INF2: variants seen among roughly 807,000 people sequenced by gnomAD.
INF2 encodes the protein inverted formin 2, also known as inverted formin-2.
In INF2, 43 loss-of-function variants were observed where a neutral mutation model predicts 123.5. The ratio of observed to expected loss-of-function variants is 0.35; its 90% confidence interval spans 0.27 to 0.45. The LOEUF (loss-of-function observed/expected upper bound fraction) is 0.45, where lower values mean the gene tolerates loss of function less well. Among genes scored for constraint, INF2 ranks in the 20% least tolerant of loss-of-function variants. INF2 has a pLI of 1.00. For synonymous variants in INF2, 851 were observed against 745.0 expected (o/e 1.14, Z -2.32); for missense variants, 1,453 against 1,682.7 (o/e 0.86, Z 2.39).
intron 22 of INF2, chr14:104,717,619 C>T (rs990760798): frequency 2.6e-5 from 4 of 152,220 alleles, no homozygotes; most frequent in Non-Finnish European, 5.9e-5. Flanking sequence ...GATAACTTCA[C>T]TTTGGGTTTG....
Position 104,714,253 on chromosome 14 carries a change from G to A in INF2, c.3091G>A (p.Ala1031Thr), listed in dbSNP as rs1050761365. ...TCCCGTGGGCAGCACGCGCTGTCCC[G>A]CCTCTGAGCCCGGCCTTGATGCTAC... is the stretch of plus-strand genomic sequence containing the variant. ...GDPVGSTRCP[A>T]SEPGLDATTA... The change falls in exon 21 of 23, where the codon GCC (alanine) becomes ACC (threonine). Residue 1031 changes from alanine (A) to threonine (T), a missense_variant. By Grantham distance (58) the Ala-to-Thr change is moderately conservative. Coordinates refer to ENST00000392634, the MANE Select transcript of INF2 (RefSeq NM_022489.4). 15 of 1,588,860 alleles carry A rather than the reference G, an allele frequency of 9.4e-6. No individual in the cohort carries two copies. Among genetic ancestry groups the A allele is most frequent in the African/African-American group, 2.7e-5 (2 of 74,322 alleles).
chr14:104,693,209 C>T (rs1889035350), intron 1 of INF2, among the ~76,000 whole-genome samples: 1 of 152,254 alleles, frequency 6.6e-6, no homozygotes, highest in Non-Finnish European at 1.5e-5. Context: ...TACCACCCCA[C>T]CTGCTTCCTG....
chr14:104,683,959 TG>T, intron 1 of INF2: 1 of 442,294 alleles, frequency 2.3e-6, no homozygotes, highest in South Asian at 1.6e-5. Flanking sequence ...GGCACTTCCC[TG>T]CTCTCAAAGG....
intron 18 of INF2, 23 bp from the exon 19 acceptor site, chr14:104,713,184 C>T (rs201745419): frequency 5.9e-5 from 92 of 1,563,840 alleles, no homozygotes; most frequent in East Asian, 7.2e-5. Context: ...GCTGGGGTGA[C>T]GGGGCCACAT....
Position 104,684,180 on chromosome 14 carries a change from G to C in INF2, c.-104+2598G>C. ...TGCGTGCCGCCACGGGAAACAGCAC[G>C]CATCCCATCTGGACTCCCACCAGAC... On this transcript the variant is annotated intron_variant, in intron 1 of 2. Transcript: ENST00000674723. This position sits in a 1 kb window ranked among gnomAD's most constrained non-coding sequence, Gnocchi z 5.0. 2.2e-6 allele frequency: 1 copy of C among 455,220 alleles called. No individual in the cohort carries two copies. The highest frequency in any genetic ancestry group is 4.4e-6 in the Non-Finnish European group (1 of 226,222). The allele number at this position is 455,220 out of a possible 1,614,324, so 28.2% of individuals were successfully genotyped here.
upstream of INF2, chr14:104,689,599 C>A: frequency 2.7e-6 from 2 of 742,198 alleles, no homozygotes; most frequent in Non-Finnish European, 3.3e-6. Context: ...CTCCCGCCCG[C>A]CCCGCCCGCC....
Position 104,707,551 on chromosome 14 carries a change from C to G in INF2, c.1284C>G (p.Pro428=). The change falls in exon 8 of 23, where the codon CCC becomes CCG. Residue 428 remains proline, a synonymous_variant. Coordinates refer to ENST00000392634, the MANE Select transcript of INF2 (RefSeq NM_022489.4). ...CCCCACCCCCACCCCCACCCCCACC[C>G]CTGCTCCCTGGTTCCAGTGCCGAGC... The part of the protein sequence containing the change: ...ASTPPPPPPP[P]LLPGSSAEPP... The G allele has an allele frequency of 5.9e-6, 7 of 1,190,182 alleles. No homozygotes were observed. Among genetic ancestry groups the G allele is most frequent in the Non-Finnish European group, 7.8e-6 (7 of 901,678 alleles). 73.7% of individuals were successfully genotyped at this position (1,190,182 alleles called of 1,614,324 possible). A position where few individuals can be genotyped will look rare whatever the true frequency, so the allele number is the denominator to read the frequency against.
Position 104,707,930 on chromosome 14 carries a change from C to T in INF2, c.1663C>T (p.Arg555Trp). 6.2e-7 allele frequency: 1 copy of T among 1,600,200 alleles called. No individual in the cohort carries two copies. Among genetic ancestry groups the T allele is most frequent in the Non-Finnish European group, 8.5e-7 (1 of 1,179,612 alleles). Residue 555 changes from arginine (R) to tryptophan (W), a missense_variant, in exon 8 of 23, where the codon CGG becomes TGG. This residue lies in a region of INF2 where 192 missense variants were observed against 274.4 expected (regional missense o/e 0.70). Coordinates refer to ENST00000392634, the MANE Select transcript of INF2 (RefSeq NM_022489.4). ...GLGSAWVPSH[R>W]RVNPPTLRMK... The stretch of plus-strand genomic sequence containing the variant: ...GGGCTCAGCATGGGTCCCCAGCCAT[C>T]GGCGGGTGAACCCACCCACACTGCG...
chr14:104,695,892 T>C (rs1889169955), intron 1 of INF2, among the ~76,000 whole-genome samples: 1 of 152,148 alleles, frequency 6.6e-6, no homozygotes, highest in Non-Finnish European at 1.5e-5. Flanking sequence ...AGCTCTGCTC[T>C]CTGGGTGACC....
chr14:104,700,964 G>A (rs975925417), intron 1 of INF2: 7 of 668,426 alleles, frequency 1.0e-5, no homozygotes, highest in East Asian at 2.7e-4. Flanking sequence ...CATCATTACC[G>A]TGGGTAATGT....
intron 1 of INF2, among the ~76,000 whole-genome samples, chr14:104,694,459 C>T (rs774912024): frequency 7.7e-4 from 118 of 152,340 alleles, no homozygotes; most frequent in Non-Finnish European, 1.3e-3. Context: ...GTCCTAGCTC[C>T]GTCCCAGCCG....
In INF2 at chr14:104,712,851, A is replaced by G. The variant is rs980352085; in HGVS notation, c.2634A>G (p.Ala878=). The change falls in exon 18 of 23, where the codon GCA becomes GCG. Residue 878 remains alanine (A), a synonymous_variant. Coordinates refer to ENST00000392634, the MANE Select transcript of INF2 (RefSeq NM_022489.4). ...RLQASISAFR[A]LDELFEAIEQ... is the part of the protein sequence containing the mutation. ...AGGCCAGCATCTCGGCCTTCCGGGC[A>G]CTGGATGAGCTGTTTGAGGCCATCG... 6.2e-7 allele frequency: 1 copy of G among 1,611,728 alleles called. No individual in the cohort carries two copies. Among genetic ancestry groups the G allele is most frequent in the African/African-American group, 1.3e-5 (1 of 75,040 alleles).
chr14:104,705,168 G>A (rs1266365445), intron 5 of INF2, among the ~76,000 whole-genome samples: 2 of 152,228 alleles, frequency 1.3e-5, no homozygotes, highest in Admixed American at 6.5e-5. Context: ...TGTAATTCCA[G>A]CACTTTGGGA....
chr14:104,718,256 G>A (rs1253197133), intron 22 of INF2, among the ~76,000 whole-genome samples: 20 of 152,180 alleles, frequency 1.3e-4, no homozygotes, highest in Admixed American at 1.3e-3. Flanking sequence ...AAGGGCCATC[G>A]AGGGCCCCTG....
chr14:104,691,706 A>G (rs964815616), intron 1 of INF2, among the ~76,000 whole-genome samples: 2 of 152,118 alleles, frequency 1.3e-5, no homozygotes, highest in African/African-American at 2.4e-5. Context: ...AGTTCTACCA[A>G]CGGTGGGAAG....
chr14:104,708,825 G>A (rs938607597), intron 10 of INF2, 93 bp downstream of exon 10: 45 of 1,286,094 alleles, frequency 3.5e-5, no homozygotes, highest in African/African-American at 8.9e-5. Context: ...TCTGCAGGCC[G>A]CCATGGGAAG....
chr14:104,715,004 G>A (rs992714727), intron 21 of INF2, 148 bp downstream of exon 21: 68 of 892,666 alleles, frequency 7.6e-5, no homozygotes, highest in Non-Finnish European at 9.6e-5. Context: ...GCGGCAGTGC[G>A]TCCACCGCAG....
chr14:104,707,046 G>T lies in INF2; in HGVS notation c.980G>T (p.Ser327Ile). The T allele has an allele frequency of 6.3e-7, 1 of 1,579,176 alleles. No homozygotes were observed. The highest frequency in any genetic ancestry group is 8.5e-7 in the Non-Finnish European group (1 of 1,170,760). The part of the protein sequence containing the change: ...SLVNRAVLLA[S>I]DAQECTLEEV... ...GTGAACCGGGCCGTGCTCCTGGCCAGCGATGGTGAGGGGGCGGGGCAGGGG... is the reference window on the plus strand; with the variant it reads ...GTGAACCGGGCCGTGCTCCTGGCCATCGATGGTGAGGGGGCGGGGCAGGGG... The change falls in exon 7 of 23, where the codon AGC becomes ATC. Residue 327 changes from serine to isoleucine, a missense_variant. By Grantham distance (142) the Ser-to-Ile change is moderately radical. Transcript: ENST00000392634.
chr14:104,715,312 A>T lies in INF2; in HGVS notation c.3723A>T (p.Lys1241Asn). 1 of 1,613,620 alleles carries T rather than the reference A, an allele frequency of 6.2e-7. No individual in the cohort carries two copies. Among genetic ancestry groups the T allele is most frequent in the Non-Finnish European group, 8.5e-7 (1 of 1,179,836 alleles). Residue 1241 changes from lysine (K) to asparagine (N), a missense_variant, in exon 22 of 23, where the codon AAA becomes AAT. Physicochemically the swap from Lys to Asn is moderately conservative, Grantham distance 94. Transcript: ENST00000392634. Reference protein sequence around the residue: ...EEVPPDSDDNKTKKLCVIQ With the variant: ...EEVPPDSDDNNTKKLCVIQ ...TTCCCCCTGATTCTGATGATAATAAAACAAAGAAACTGTGTGTGATCCAGT... is the reference window on the plus strand; with the variant it reads ...TTCCCCCTGATTCTGATGATAATAATACAAAGAAACTGTGTGTGATCCAGT...
Sources: allele counts gnomAD v4.1 joint callset (sites outside exome capture counted in the v4.1 genomes callset), GRCh38; gene constraint gnomAD v4.1.1; regional missense constraint gnomAD v4.1.1; non-coding constraint Gnocchi (gnomAD v3.1); transcripts MANE v1.5; gene names NCBI Gene and HGNC (gene_info 2026-07-23, HGNC 2026-07-21).